GNA14: variants seen among roughly 807,000 people sequenced by gnomAD.
GNA14 encodes the protein guanine nucleotide-binding protein subunit alpha-14.
GNA14 carries 50 observed loss-of-function variants against 42.0 expected under a neutral mutation model. The ratio of observed to expected loss-of-function variants is 1.19; its 90% CI spans 0.95 to 1.51. GNA14 has a LOEUF of 1.51. Ranked by LOEUF, GNA14 falls within the 40% of genes most tolerant of loss-of-function variation. The pLI is 0.00. For synonymous variants in GNA14, 173 were observed against 163.1 expected (o/e 1.06, Z -0.46); for missense variants, 473 against 446.2 (o/e 1.06, Z -0.54).
chr9:77,550,526 T>C (rs532536131), intron 1 of GNA14, among the ~76,000 whole-genome samples: 66 of 152,316 alleles, frequency 4.3e-4, no homozygotes, highest in African/African-American at 1.3e-3. Context: ...CACATACATA[T>C]CAATATCCAC....
intron 2 of GNA14, among the ~76,000 whole-genome samples, chr9:77,503,167 T>C (rs554320910): frequency 4.1e-4 from 63 of 152,346 alleles, no homozygotes; most frequent in African/African-American, 1.5e-3. Context: ...TCTGGAAAAG[T>C]ATGCCTACTC....
intron 1 of GNA14, among the ~76,000 whole-genome samples, chr9:77,584,101 C>T (rs1207170954): frequency 6.6e-6 from 1 of 152,184 alleles, no homozygotes; most frequent in Admixed American, 6.5e-5. Flanking sequence ...TTCTGCAACT[C>T]AGAGCAGTAG....
intron 1 of GNA14, among the ~76,000 whole-genome samples, chr9:77,609,507 T>C (rs774079441): frequency 6.6e-6 from 1 of 152,184 alleles, no homozygotes; most frequent in African/African-American, 2.4e-5. Flanking sequence ...TCAAAGCCAC[T>C]TCCACATTTT....
intron 1 of GNA14, among the ~76,000 whole-genome samples, chr9:77,582,776 C>CG (rs765997204): frequency 2.1e-4 from 32 of 152,276 alleles, no homozygotes; most frequent in Non-Finnish European, 4.4e-4. Context: ...TTGTTGCCTA[C>CG]GTATCTGTGC....
rs374468246 is a variant in GNA14, at chr9:77,601,464, T to C, written c.124+46206A>G. Among the ~76,000 whole-genome samples, 22 of 152,340 alleles carry C rather than the reference T, an allele frequency of 1.4e-4. No individual in the cohort carries two copies. The South Asian group carries it at 4.4e-3, about 30-fold the overall frequency. On this transcript the variant is annotated intron_variant, in intron 1 of 6. Coordinates refer to ENST00000341700, the MANE Select transcript of GNA14 (RefSeq NM_004297.4). ...ATTTGAATAAAGCTCTCTGACCTTATATGTTTTAGGAATGAAGAGTTCCAG... is the reference window on the plus strand; with the variant it reads ...ATTTGAATAAAGCTCTCTGACCTTACATGTTTTAGGAATGAAGAGTTCCAG...
chr9:77,550,153 C>T (rs1837772018), intron 1 of GNA14, among the ~76,000 whole-genome samples: 1 of 152,062 alleles, frequency 6.6e-6, no homozygotes, highest in African/African-American at 2.4e-5. Flanking sequence ...CTGTCTGTGC[C>T]CTGCAAATGT....
chr9:77,488,784 T>TAAAAA (rs67416479), intron 2 of GNA14, among the ~76,000 whole-genome samples: 140 of 53,668 alleles, frequency 2.6e-3, no homozygotes, highest in African/African-American at 3.4e-3. Context: ...CACACCTAAT[T>TAAAAA]AAAAAAAAAA....
At chr9:77,469,365 T>TAAAAAAAAAAAAAAAAA (rs10537760) in intron 2 of GNA14, among the ~76,000 whole-genome samples, 1 of 116,934 alleles carries the variant, frequency 8.6e-6, no homozygotes. Flanking sequence ...TAAACTGTGT[T>TAAAAAAAAAAAAAAAAA]AAAAAAAAAA....
chr9:77,602,519 C>T (rs1336610846), intron 1 of GNA14, among the ~76,000 whole-genome samples: 3 of 151,798 alleles, frequency 2.0e-5, no homozygotes, highest in Admixed American at 6.6e-5. Context: ...TCCCGACCCA[C>T]CCCTGGGAGA....
At position 77,424,165 on chromosome 9, in the gene GNA14, C is replaced by G. The variant is rs554426439; in HGVS notation, c.882G>C (p.Pro294=). ...LISYFPEYTG[P]KQDVRAARDF... ...CTCTGGCAGCTCTGACATCCTGTTTCGGTCCTAGTCACAAGTGCAATTACA... is the reference window on the plus strand; with the variant it reads ...CTCTGGCAGCTCTGACATCCTGTTTGGGTCCTAGTCACAAGTGCAATTACA... The change falls in exon 7 of 7, where the codon CCG becomes CCC. Residue 294 remains proline (P), a synonymous_variant. Transcript: ENST00000341700. 3 of 1,602,862 alleles carry G rather than the reference C, an allele frequency of 1.9e-6. No individual in the cohort carries two copies. Among genetic ancestry groups the G allele is most frequent in the Middle Eastern group, 1.7e-4 (1 of 6,010 alleles).
Position 77,609,820 on chromosome 9 carries a change from G to T in GNA14, c.124+37850C>A, listed in dbSNP as rs1402354316. On this transcript the variant is annotated intron_variant, in intron 1 of 6. Coordinates refer to ENST00000341700, the MANE Select transcript of GNA14 (RefSeq NM_004297.4). ...GTGATTTAAAAGCCTCAGAATCAAA[G>T]TCTCTCTCTGATCTTCTCCTGATCC... Among the ~76,000 whole-genome samples, 4 of 152,176 alleles carry T rather than the reference G, an allele frequency of 2.6e-5. No homozygotes were observed. The South Asian group carries it at 8.3e-4, about 31-fold the overall frequency.
chr9:77,624,552 G>C (rs1488209350), intron 1 of GNA14, among the ~76,000 whole-genome samples: 1 of 152,136 alleles, frequency 6.6e-6, no homozygotes, highest in Non-Finnish European at 1.5e-5. Flanking sequence ...TGCCCCTCTG[G>C]GAAGAAGCTT....
At chr9:77,618,126 A>G (rs61138370) in intron 1 of GNA14, among the ~76,000 whole-genome samples, 18,968 of 151,984 alleles carry the variant, frequency 0.12, 1,727 homozygotes, top group African/African-American at 0.26. Flanking sequence ...AGATATTTGA[A>G]GGACTAATTG....
At chr9:77,599,799 C>T (rs1823526600) in intron 1 of GNA14, among the ~76,000 whole-genome samples, 1 of 152,100 alleles carries the variant, frequency 6.6e-6, no homozygotes, top group African/African-American at 2.4e-5. Flanking sequence ...CACCAAGTTA[C>T]ATTGAGGTTT....
intron 1 of GNA14, among the ~76,000 whole-genome samples, chr9:77,536,162 G>A (rs1285262409): frequency 3.9e-5 from 6 of 152,090 alleles, no homozygotes; most frequent in African/African-American, 1.4e-4. Flanking sequence ...CAGAGAACTG[G>A]AAACAATTGG....
At chr9:77,468,056 A>G (rs1836267486) in intron 2 of GNA14, among the ~76,000 whole-genome samples, 1 of 152,138 alleles carries the variant, frequency 6.6e-6, no homozygotes, top group South Asian at 2.1e-4. Flanking sequence ...AGAGGGTATG[A>G]GATACACTGG....
At chr9:77,474,226 A>AG (rs1380179128) in intron 2 of GNA14, among the ~76,000 whole-genome samples, 1 of 152,246 alleles carries the variant, frequency 6.6e-6, no homozygotes, top group African/African-American at 2.4e-5. Flanking sequence ...GACAACACAT[A>AG]GAATGGGAGA....
At chr9:77,444,969 C>T (rs1436782679) in intron 2 of GNA14, among the ~76,000 whole-genome samples, 5 of 152,160 alleles carry the variant, frequency 3.3e-5, no homozygotes, top group African/African-American at 1.2e-4. Context: ...TAGGCCCTAA[C>T]CTTGAGGATT....
chr9:77,596,386 A>G (rs1463916590), intron 1 of GNA14, among the ~76,000 whole-genome samples: 2 of 152,104 alleles, frequency 1.3e-5, no homozygotes, highest in East Asian at 3.9e-4. Context: ...ATTGTATTGC[A>G]CAACTGATTT....
Sources: allele counts gnomAD v4.1 joint callset (sites outside exome capture counted in the v4.1 genomes callset), GRCh38; gene constraint gnomAD v4.1.1; transcripts MANE v1.5; gene names NCBI Gene and HGNC (gene_info 2026-07-23, HGNC 2026-07-21).